Variants in SF3A1 observed in about 807,000 individuals in gnomAD.
The protein encoded by SF3A1 is splicing factor 3a subunit 1.
SF3A1 carries 13 observed loss-of-function variants against 89.9 expected under a neutral mutation model. The ratio of observed to expected loss-of-function variants is 0.14; its 90% CI spans 0.09 to 0.23. The LOEUF is 0.23. SF3A1 is among the 10% of genes least tolerant of loss of function. The pLI, the probability that SF3A1 is intolerant of heterozygous loss-of-function variation, is 1.00. For synonymous variants in SF3A1, 405 were observed against 374.4 expected (o/e 1.08, Z -0.94); for missense variants, 604 against 1,022.1 (o/e 0.59, Z 5.58).
chr22:30,349,704 C>T (rs1334145087), intron 2 of SF3A1, among the ~76,000 whole-genome samples: 2 of 144,330 alleles, frequency 1.4e-5, no homozygotes, highest in African/African-American at 2.6e-5. Flanking sequence ...CTTGCTCTAT[C>T]GCCCCAGGCT....
chr22:30,337,265 G>C, intron 12 of SF3A1, 85 bp from the exon 13 acceptor site: 2 of 1,302,320 alleles, frequency 1.5e-6, no homozygotes, highest in Non-Finnish European at 2.1e-6. Flanking sequence ...AGGGAAGGTT[G>C]CAAAGGTTTC....
Position 30,339,241 on chromosome 22 carries a change from A to G in SF3A1, c.1386T>C (p.Ile462=), listed in dbSNP as rs1282309001. The G allele has an allele frequency of 1.2e-6, 2 of 1,613,892 alleles. No individual in the cohort carries two copies. The highest frequency in any genetic ancestry group is 2.7e-5 in the African/African-American group (2 of 74,934). The change falls in exon 10 of 16, where the codon ATT becomes ATC. Residue 462 remains isoleucine (I), a synonymous_variant. Transcript: ENST00000215793. The part of the protein sequence containing the change: ...DDEVYAPGLD[I]ESSLKQLAER... Reference sequence around the variant, plus strand: ...CAGCCAACTGCTTCAAGCTGCTCTCAATATCCAGACCTGTACAGTCACAAA... The same window carrying G: ...CAGCCAACTGCTTCAAGCTGCTCTCGATATCCAGACCTGTACAGTCACAAA...
At chr22:30,354,578 C>T (rs977544089) in intron 1 of SF3A1, among the ~76,000 whole-genome samples, 1 of 152,146 alleles carries the variant, frequency 6.6e-6, no homozygotes, top group Non-Finnish European at 1.5e-5. Flanking sequence ...CCCCTTCCGC[C>T]TCTAGACTAA....
intron 14 of SF3A1, 27 bp from the exon 15 acceptor site, chr22:30,335,565 A>G (rs1307555219): frequency 1.2e-6 from 2 of 1,613,428 alleles, no homozygotes; most frequent in South Asian, 1.1e-5. Flanking sequence ...CGGTCATTCA[A>G]CTCCTTGGTA....
chr22:30,350,303 C>CCAAAAAAAA (rs1366700782), intron 2 of SF3A1, among the ~76,000 whole-genome samples: 1 of 105,462 alleles, frequency 9.5e-6, no homozygotes, highest in Non-Finnish European at 2.3e-5. Context: ...TACAAAAAAA[C>CCAAAAAAAA]TAAAAAAAAT....
chr22:30,344,895 C>G (rs1931372362), intron 4 of SF3A1, 38 bp downstream of exon 4: 1 of 1,600,158 alleles, frequency 6.2e-7, no homozygotes, highest in South Asian at 1.1e-5. Flanking sequence ...GTTTTCCTTT[C>G]CTGGGCCCAG....
intron 1 of SF3A1, among the ~76,000 whole-genome samples, chr22:30,354,920 T>A (rs1328242888): frequency 6.6e-6 from 1 of 152,022 alleles, no homozygotes; most frequent in Non-Finnish European, 1.5e-5. Flanking sequence ...CGACACCCGG[T>A]CTCTTAAAAA....
chr22:30,341,113 C>T (rs1389612675), intron 7 of SF3A1, among the ~76,000 whole-genome samples: 1 of 87,262 alleles, frequency 1.1e-5, no homozygotes, highest in Non-Finnish European at 2.4e-5. Context: ...GCCAAGGGGG[C>T]GAGGGGTGGG....
In SF3A1 at chr22:30,335,521, C is replaced by A; in HGVS notation, c.2226G>T (p.Val742=). 1 of 1,614,228 alleles carries A rather than the reference C, an allele frequency of 6.2e-7. No homozygotes were observed. Among genetic ancestry groups the A allele is most frequent in the Non-Finnish European group, 8.5e-7 (1 of 1,180,036 alleles). The part of the protein sequence containing the change: ...PLTDQVSVIK[V]KIHEATGMPA... The stretch of plus-strand genomic sequence containing the variant: ...GCATGCCTGTGGCTTCATGAATCTT[C>A]ACCTTAATGACAGAGACCTGTGGGA... The change falls in exon 15 of 16, where the codon GTG becomes GTT. Residue 742 remains valine (V), a synonymous_variant. Transcript: ENST00000215793.
rs991789441 is a variant in SF3A1, at chr22:30,340,546, C to T, written c.1189+149G>A. 1.2e-5 allele frequency: 10 copies of T among 861,224 alleles called. No homozygotes were observed. The African/African-American group carries it at 1.2e-4, about 10-fold the overall frequency. The allele number at this position is 861,224 out of a possible 1,614,324, so 53.3% of individuals were successfully genotyped here. ...GCACCAGAGATGACTGGGCCCTGTT[C>T]CCACCATGAAACCTGTAACAGACGG... On this transcript the variant is annotated intron_variant, in intron 8 of 15. Transcript: ENST00000215793.
Position 30,356,760 on chromosome 22 carries a change from C to G in SF3A1, c.33G>C (p.Pro11=). The part of the protein sequence containing the change: MPAGPVQAVP[P]PPPVPTEPKQ... Reference sequence around the variant, plus strand: ...TGGGCTCCGTGGGCACGGGCGGCGGCGGGGGCACCGCCTGCACGGGTCCGG... The same window carrying G: ...TGGGCTCCGTGGGCACGGGCGGCGGGGGGGGCACCGCCTGCACGGGTCCGG... Residue 11 remains proline (P), a synonymous_variant, in exon 1 of 16, where the codon CCG becomes CCC. Transcript: ENST00000215793. The G allele has an allele frequency of 6.8e-7, 1 of 1,479,154 alleles. No homozygotes were observed. The highest frequency in any genetic ancestry group is 2.8e-5 in the East Asian group (1 of 35,896). 91.6% of individuals were successfully genotyped at this position (1,479,154 alleles called of 1,614,324 possible). A position where few individuals can be genotyped will look rare whatever the true frequency, so the allele number is the denominator to read the frequency against.
At chr22:30,354,075 A>C (rs1015356442) in intron 1 of SF3A1, among the ~76,000 whole-genome samples, 28 of 152,298 alleles carry the variant, frequency 1.8e-4, no homozygotes, top group African/African-American at 6.0e-4. Context: ...TGTTTTGTGA[A>C]ATTCCACTGG....
intron 1 of SF3A1, among the ~76,000 whole-genome samples, chr22:30,355,462 T>C (rs2145827987): frequency 6.6e-6 from 1 of 152,320 alleles, no homozygotes; most frequent in East Asian, 1.9e-4. Context: ...CTTCAGCCTC[T>C]TTGGAATAGC....
intron 5 of SF3A1, 130 bp downstream of exon 5, chr22:30,342,675 G>C (rs1037555352): frequency 1.7e-5 from 12 of 700,866 alleles, no homozygotes; most frequent in Non-Finnish European, 2.7e-5. Flanking sequence ...GGCCTTTGTA[G>C]CCAACAAAGC....
chr22:30,346,352 T>C lies in SF3A1; in HGVS notation c.353A>G (p.Gln118Arg), dbSNP rs759649302. The C allele has an allele frequency of 6.2e-7, 1 of 1,613,952 alleles. No homozygotes were observed. The highest frequency in any genetic ancestry group is 1.7e-5 in the Admixed American group (1 of 60,012). Residue 118 changes from glutamine (Q) to arginine (R), a missense_variant, in exon 3 of 16, where the codon CAG becomes CGG. By Grantham distance (43) the Gln-to-Arg change is conservative. Transcript: ENST00000215793. ...EPSAAIPKVM[Q>R]QQQQTTQQQL... Reference sequence around the variant, plus strand: ...CTGCTGGGTGGTCTGCTGCTGCTGCTGCATGACCTTGGGGATGGCGGCGGA... The same window carrying C: ...CTGCTGGGTGGTCTGCTGCTGCTGCCGCATGACCTTGGGGATGGCGGCGGA...
chr22:30,353,004 G>A lies in SF3A1; in HGVS notation c.132C>T (p.Tyr44=), dbSNP rs772903399. Residue 44 remains tyrosine (Y), a synonymous_variant, in exon 2 of 16, where the codon TAC becomes TAT. Transcript: ENST00000215793. The stretch of plus-strand genomic sequence containing the variant: ...CAATATTTCTGACCTCTGGAGGAGG[G>A]TAAATAATCCCCACAACTGGCTTAG... ...APSKPVVGII[Y]PPPEVRNIVD... is the part of the protein sequence containing the mutation. 30 of 1,614,054 alleles carry A rather than the reference G, an allele frequency of 1.9e-5. No individual in the cohort carries two copies. The Admixed American group carries it at 3.7e-4, about 20-fold the overall frequency.
At chr22:30,352,050 C>G (rs1931613314) in intron 2 of SF3A1, among the ~76,000 whole-genome samples, 1 of 151,888 alleles carries the variant, frequency 6.6e-6, no homozygotes, top group South Asian at 2.1e-4. Context: ...GCGGCTAGCA[C>G]CTGCGTGGAA....
chr22:30,340,415 G>A (rs1931213365), intron 8 of SF3A1, 34 bp from the exon 9 acceptor site: 1 of 1,602,658 alleles, frequency 6.2e-7, no homozygotes, highest in Non-Finnish European at 8.5e-7. Flanking sequence ...TAAGAACACT[G>A]GTGGGCAGCC....
In SF3A1 at chr22:30,349,705, G is replaced by T. The variant is rs916582517; in HGVS notation, c.186-3186C>A. The stretch of plus-strand genomic sequence containing the variant: ...TTTTGAGATAGGGTCTTGCTCTATC[G>T]CCCCAGGCTGGAGTACGCTGGCATG... On this transcript the variant is annotated intron_variant, in intron 2 of 15. Transcript: ENST00000215793. Among the ~76,000 whole-genome samples the T allele has an allele frequency of 1.9e-4, 27 of 139,478 alleles. No individual in the cohort carries two copies. In the East Asian group the frequency reaches 4.7e-3, roughly 24 times the overall value. 91.5% of individuals were successfully genotyped at this position (139,478 alleles called of 152,430 possible).
Sources: gnomAD v4.1 joint callset for allele counts (sites outside exome capture counted in the v4.1 genomes callset) on GRCh38, gnomAD v4.1.1 for gene constraint, MANE v1.5 for transcripts, NCBI Gene and HGNC (gene_info 2026-07-23, HGNC 2026-07-21) for gene names.